Variants in STARD9 observed in about 807,000 individuals in gnomAD.
STARD9 encodes the protein stAR-related lipid transfer protein 9.
A neutral mutation model predicts 399.8 loss-of-function variants in STARD9; 346 were observed. The observed-to-expected ratio is 0.87, with a 90% CI of 0.79 to 0.95. The LOEUF (loss-of-function observed/expected upper bound fraction) is 0.95. Among genes scored for constraint, STARD9 ranks in the 40% least tolerant of loss-of-function variants. The pLI is 0.00. For synonymous variants in STARD9, 2,203 were observed against 2,143.5 expected (o/e 1.03, Z -0.77); for missense variants, 5,832 against 5,667.5 (o/e 1.03, Z -0.93).
chr15:42,683,283 A>G (rs1018494277), intron 22 of STARD9, among the ~76,000 whole-genome samples: 1 of 152,226 alleles, frequency 6.6e-6, no homozygotes, highest in African/African-American at 2.4e-5. Flanking sequence ...AAAAAACTTT[A>G]TTATGAAAAA....
chr15:42,688,579 C>A lies in STARD9; in HGVS notation c.7001C>A (p.Thr2334Asn). Reference protein sequence around the residue: ...TAPLHQDLSNTLPLNSPRWPR... With the variant: ...TAPLHQDLSNNLPLNSPRWPR... ...CCTCTTCACCAAGACCTGAGTAATACCTTGCCCTTGAATTCTCCAAGGTGG... is the reference window on the plus strand; with the variant it reads ...CCTCTTCACCAAGACCTGAGTAATAACTTGCCCTTGAATTCTCCAAGGTGG... The change falls in exon 23 of 33, where the codon ACC (threonine) becomes AAC (asparagine). Residue 2334 changes from threonine (T) to asparagine (N), a missense_variant. Physicochemically the swap from Thr to Asn is moderately conservative, Grantham distance 65. This residue lies in a region of STARD9 where 5,828 missense variants were observed against 5,651.1 expected (regional missense o/e 1.03). Coordinates refer to ENST00000290607, the MANE Select transcript of STARD9 (RefSeq NM_020759.3). The A allele has an allele frequency of 6.5e-7, 1 of 1,537,650 alleles. No homozygotes were observed. Among genetic ancestry groups the A allele is most frequent in the Non-Finnish European group, 8.7e-7 (1 of 1,147,032 alleles).
At chr15:42,620,223 A>C (rs1036723411) in intron 3 of STARD9, among the ~76,000 whole-genome samples, 1 of 152,168 alleles carries the variant, frequency 6.6e-6, no homozygotes, top group Non-Finnish European at 1.5e-5. Flanking sequence ...GAGCATTGCA[A>C]CCTGGGAGCA....
rs772067408 is a variant in STARD9 at position 42,689,849 on chromosome 15, G to T, written c.8271G>T (p.Leu2757=). ...CTTATGATGATCCTAGAGTGACTCT[G>T]CATGAGCTAAGTCAGTCAGTTCCGC... The part of the protein sequence containing the change: ...QAPYDDPRVT[L]HELSQSVPQE... Residue 2757 remains leucine, a synonymous_variant, in exon 23 of 33, where the codon CTG becomes CTT. Transcript: ENST00000290607. 148 of 1,537,398 alleles carry T rather than the reference G, an allele frequency of 9.6e-5. No individual in the cohort carries two copies. Among genetic ancestry groups the T allele is most frequent in the Non-Finnish European group, 7.1e-5 (81 of 1,146,972 alleles).
chr15:42,646,384 T>A (rs1382096473), intron 7 of STARD9, among the ~76,000 whole-genome samples: 1 of 152,246 alleles, frequency 6.6e-6, no homozygotes, highest in Admixed American at 6.5e-5. Flanking sequence ...ACCTTCATTA[T>A]CTTAGCTTTA....
intron 3 of STARD9, among the ~76,000 whole-genome samples, chr15:42,626,324 C>CTCTTCT (rs766059045): frequency 2.4e-5 from 3 of 126,926 alleles, no homozygotes; most frequent in South Asian, 2.8e-4. Flanking sequence ...CCTCTTCTTC[C>CTCTTCT]TCCTCTTCCT....
At chr15:42,639,894 T>C (rs1372772987) in intron 7 of STARD9, among the ~76,000 whole-genome samples, 1 of 152,122 alleles carries the variant, frequency 6.6e-6, no homozygotes, top group Non-Finnish European at 1.5e-5. Flanking sequence ...GTATATTTTA[T>C]GTTCCTGTAG....
intron 29 of STARD9, 24 bp downstream of exon 29, chr15:42,717,819 T>C (rs2061377707): frequency 2.6e-6 from 4 of 1,535,584 alleles, no homozygotes; most frequent in Non-Finnish European, 8.7e-7. Flanking sequence ...GGGTCCTTTG[T>C]ACAGTGTCTG....
Position 42,688,159 on chromosome 15 carries a change from C to T in STARD9, c.6581C>T (p.Thr2194Ile), listed in dbSNP as rs762378048. 1.8e-5 allele frequency: 27 copies of T among 1,537,414 alleles called. No homozygotes were observed. Among genetic ancestry groups the T allele is most frequent in the Non-Finnish European group, 2.4e-5 (27 of 1,146,968 alleles). ...LGKHTTCREF[T>I]NTSLHPQRMK... ...AAACACACAACTTGCAGAGAGTTCACCAACACTTCTCTTCACCCACAGAGA... is the reference window on the plus strand; with the variant it reads ...AAACACACAACTTGCAGAGAGTTCATCAACACTTCTCTTCACCCACAGAGA... Residue 2194 changes from threonine to isoleucine, a missense_variant, in exon 23 of 33, where the codon ACC becomes ATC. Around this residue, in one of 2 missense-constraint regions of STARD9, gnomAD observed 5,828 missense variants for 5,651.1 expected, o/e 1.03. Coordinates refer to ENST00000290607, the MANE Select transcript of STARD9 (RefSeq NM_020759.3).
chr15:42,675,586 C>T, intron 18 of STARD9, 78 bp from the exon 19 acceptor site: 3 of 1,119,970 alleles, frequency 2.7e-6, no homozygotes, highest in Admixed American at 4.2e-5. Flanking sequence ...CTTTGTCTCA[C>T]AGAGCAGTGC....
Position 42,690,692 on chromosome 15 carries a change from G to GAGC in STARD9, c.9119_9121dup (p.Ser3040dup), listed in dbSNP as rs754784581. 426 of 1,537,088 alleles carry GAGC rather than the reference G, an allele frequency of 2.8e-4. No individual in the cohort carries two copies. The highest frequency in any genetic ancestry group is 3.3e-4 in the Non-Finnish European group (383 of 1,146,906). On this transcript the variant is annotated inframe_insertion, in exon 23 of 33. Coordinates refer to ENST00000290607, the MANE Select transcript of STARD9 (RefSeq NM_020759.3). The stretch of plus-strand genomic sequence containing the variant: ...TTAACAGGGAATTTAGGCTAACAGA[G>GAGC]AGCAGCACTTGTGAGCCTTCTACTG...
chr15:42,656,529 A>G (rs1418925263), intron 9 of STARD9, among the ~76,000 whole-genome samples: 1 of 152,116 alleles, frequency 6.6e-6, no homozygotes, highest in Non-Finnish European at 1.5e-5. Context: ...ATACTTGCAC[A>G]TGCATGTTTT....
At chr15:42,682,036 C>CT (rs1389800702) in intron 21 of STARD9, 68 bp from the exon 22 acceptor site, 3 of 1,073,004 alleles carry the variant, frequency 2.8e-6, no homozygotes, top group Non-Finnish European at 4.0e-6. Context: ...CTGGAGGTAT[C>CT]TGAGTCCAGG....
At chr15:42,621,597 A>G (rs1362816100) in intron 3 of STARD9, among the ~76,000 whole-genome samples, 1 of 152,152 alleles carries the variant, frequency 6.6e-6, no homozygotes, top group Non-Finnish European at 1.5e-5. Context: ...TGGATTGGTT[A>G]CAGCTCATTT....
rs565451779 is a variant in STARD9, at chr15:42,693,308, G to A, written c.11730G>A (p.Glu3910=). The change falls in exon 23 of 33, where the codon GAG becomes GAA. Residue 3910 remains glutamate (E), a synonymous_variant. Coordinates refer to ENST00000290607, the MANE Select transcript of STARD9 (RefSeq NM_020759.3). Reference sequence around the variant, plus strand: ...TCACTCTTAGTGCCAGCACCCAAGAGCCGGGTCTTTCCCCAGGCTCTTTGA... The same window carrying A: ...TCACTCTTAGTGCCAGCACCCAAGAACCGGGTCTTTCCCCAGGCTCTTTGA... ...PILTLSASTQ[E]PGLSPGSLTL... 7.2e-6 allele frequency: 11 copies of A among 1,537,134 alleles called. No homozygotes were observed. The highest frequency in any genetic ancestry group is 7.0e-6 in the Non-Finnish European group (8 of 1,146,898).
chr15:42,684,982 A>C lies in STARD9; in HGVS notation c.3404A>C (p.Glu1135Ala). ...GAGGAGAGGAAATGGGATTTCCCAG[A>C]GCCAGAGAACTCTGAAAGTGATGAC... ...KPEERKWDFP[E>A]PENSESDDSQ... Residue 1135 changes from glutamate to alanine, a missense_variant, in exon 23 of 33, where the codon GAG becomes GCG. By Grantham distance (107) the Glu-to-Ala change is moderately radical. Coordinates refer to ENST00000290607, the MANE Select transcript of STARD9 (RefSeq NM_020759.3). 1 of 1,537,092 alleles carries C rather than the reference A, an allele frequency of 6.5e-7. No individual in the cohort carries two copies. Among genetic ancestry groups the C allele is most frequent in the African/African-American group, 1.4e-5 (1 of 73,188 alleles).
rs1424452484 is a variant in STARD9 at position 42,687,211 on chromosome 15, AAC to A, written c.5637_5638del (p.His1879GlnfsTer6). ...AACCAAGTTGTAATTTTAAATAAAAAACACAGTTTTCCAGCACTTGAGGGAGG... is the reference window on the plus strand; with the variant it reads ...AACCAAGTTGTAATTTTAAATAAAAAACAGTTTTCCAGCACTTGAGGGAGG... On this transcript the variant is annotated frameshift_variant, in exon 23 of 33. Transcript: ENST00000290607. LOFTEE classifies it high-confidence loss of function. The A allele has an allele frequency of 2.6e-6, 4 of 1,537,374 alleles. No homozygotes were observed. The highest frequency in any genetic ancestry group is 2.4e-5 in the South Asian group (2 of 84,064).
chr15:42,584,574 T>C, intron 2 of STARD9, among the ~76,000 whole-genome samples: 1 of 152,210 alleles, frequency 6.6e-6, no homozygotes, highest in Non-Finnish European at 1.5e-5. Flanking sequence ...TGATGGCTAG[T>C]GGCAGGGTTG....
intron 9 of STARD9, among the ~76,000 whole-genome samples, chr15:42,652,926 G>C (rs2141997044): frequency 6.6e-6 from 1 of 152,168 alleles, no homozygotes; most frequent in Non-Finnish European, 1.5e-5. Flanking sequence ...GATCCACCTG[G>C]CTCGGCCTGC....
Position 42,693,939 on chromosome 15 carries a change from C to A in STARD9, c.12361C>A (p.Gln4121Lys). The A allele has an allele frequency of 6.6e-7, 1 of 1,505,408 alleles. No individual in the cohort carries two copies. Among genetic ancestry groups the A allele is most frequent in the Non-Finnish European group, 8.9e-7 (1 of 1,129,646 alleles). 93.3% of individuals were successfully genotyped at this position (1,505,408 alleles called of 1,614,324 possible). Reference protein sequence around the residue: ...QPEELLCFSCQMCMAPEHQHH... With the variant: ...QPEELLCFSCKMCMAPEHQHH... ...TGAGGAGTTACTGTGCTTCAGTTGCCAGATGTGCATGGCCCCTGAGCACCA... is the reference window on the plus strand; with the variant it reads ...TGAGGAGTTACTGTGCTTCAGTTGCAAGATGTGCATGGCCCCTGAGCACCA... The change falls in exon 23 of 33, where the codon CAG becomes AAG. Residue 4121 changes from glutamine to lysine, a missense_variant. Gln to Lys is a moderately conservative substitution (Grantham distance 53, BLOSUM62 1). This residue lies in a region of STARD9 where 5,828 missense variants were observed against 5,651.1 expected (regional missense o/e 1.03). Coordinates refer to ENST00000290607, the MANE Select transcript of STARD9 (RefSeq NM_020759.3).
Sources: gnomAD v4.1 joint callset for allele counts (sites outside exome capture counted in the v4.1 genomes callset) on GRCh38, gnomAD v4.1.1 for gene constraint, gnomAD v4.1.1 regional missense constraint, MANE v1.5 for transcripts, NCBI Gene and HGNC (gene_info 2026-07-23, HGNC 2026-07-21) for gene names.